BSN: variants seen among roughly 807,000 people sequenced by gnomAD.
The protein encoded by BSN is bassoon presynaptic cytomatrix protein, also known as protein bassoon.
Under a neutral mutation model 264.8 loss-of-function variants are expected in BSN, and 57 were observed. That is an observed-to-expected ratio of 0.22 (90% CI 0.17 to 0.27). The LOEUF (loss-of-function observed/expected upper bound fraction) is 0.27, where lower values mean the gene tolerates loss of function less well. Ranked by LOEUF, BSN falls within the 10% of genes least tolerant of loss-of-function variation. The pLI is 1.00. For synonymous variants in BSN, 2,059 were observed against 2,137.3 expected, an observed-to-expected ratio of 0.96 and a Z score of 1.01; for missense variants, 4,615 against 5,232.5, an observed-to-expected ratio of 0.88 and a Z score of 3.64.
intron 1 of BSN, among the ~76,000 whole-genome samples, chr3:49,568,822 T>C (rs926921459): frequency 2.6e-5 from 4 of 152,172 alleles, no homozygotes; most frequent in Non-Finnish European, 5.9e-5. Context: ...AGAAGTAGGA[T>C]TGCTGAAGCA....
chr3:49,656,197 C>T lies in BSN; in HGVS notation c.6641C>T (p.Ser2214Leu). 6.2e-7 allele frequency: 1 copy of T among 1,611,574 alleles called. No individual in the cohort carries two copies. Among genetic ancestry groups the T allele is most frequent in the Non-Finnish European group, 8.5e-7 (1 of 1,179,016 alleles). Reference sequence around the variant, plus strand: ...CTGCCCATCACCACCCAGCCTGCCTCAGTCCTGCGGCCCATGGTGCGTGGT... The same window carrying T: ...CTGCCCATCACCACCCAGCCTGCCTTAGTCCTGCGGCCCATGGTGCGTGGT... ...ATLPITTQPA[S>L]VLRPMVRGGM... Residue 2214 changes from serine to leucine, a missense_variant, in exon 5 of 12, where the codon TCA becomes TTA. This residue lies in a region of BSN where 3,415 missense variants were observed against 3,866.4 expected (regional missense o/e 0.88). Coordinates refer to ENST00000296452, the MANE Select transcript of BSN (RefSeq NM_003458.4).
In BSN at chr3:49,554,785, TGGCCCC is replaced by T. The variant is rs761663390; in HGVS notation, c.198_203del (p.Pro73_Gly74del). 4.6e-5 allele frequency: 56 copies of T among 1,211,384 alleles called. No individual in the cohort carries two copies. The highest frequency in any genetic ancestry group is 5.6e-5 in the Non-Finnish European group (55 of 975,706). 75.0% of individuals were successfully genotyped at this position (1,211,384 alleles called of 1,614,324 possible). The stretch of plus-strand genomic sequence containing the variant: ...GGTCGACCGCGGTACCACCGGTCCC[TGGCCCC>T]GGCCCCGGCCCCGGTCCCGGCCCTG... On this transcript the variant is annotated inframe_deletion, in exon 1 of 12. Transcript: ENST00000296452.
At chr3:49,662,843 G>C (rs752514358) in intron 6 of BSN, 33 bp from the exon 7 acceptor site, 1 of 1,528,124 alleles carries the variant, frequency 6.5e-7, no homozygotes, top group Non-Finnish European at 8.8e-7. Context: ...GCTAGCCCGG[G>C]GGTTGATGGT....
intron 1 of BSN, among the ~76,000 whole-genome samples, chr3:49,593,968 A>G (rs772722288): frequency 6.6e-6 from 1 of 150,582 alleles, no homozygotes; most frequent in Admixed American, 6.6e-5. Context: ...ACGCCTTCCT[A>G]ATTTTTTGTA....
chr3:49,665,622 T>G (rs912476837), intron 11 of BSN, among the ~76,000 whole-genome samples: 8 of 152,254 alleles, frequency 5.3e-5, no homozygotes. Flanking sequence ...CCTGGTAGTC[T>G]GTGGCACCTG....
intron 6 of BSN, 37 bp from the exon 7 acceptor site, chr3:49,662,839 C>G: frequency 6.5e-7 from 1 of 1,526,722 alleles, no homozygotes; most frequent in Non-Finnish European, 8.8e-7. Context: ...TGCGGCTAGC[C>G]CGGGGGTTGA....
chr3:49,581,471 A>C (rs942127771), intron 1 of BSN, among the ~76,000 whole-genome samples: 9 of 152,148 alleles, frequency 5.9e-5, no homozygotes, highest in Admixed American at 6.5e-5. Context: ...ATTATTAGTT[A>C]TTGTGAATCT....
intron 8 of BSN, 111 bp downstream of exon 8, chr3:49,663,997 T>C: frequency 9.4e-7 from 1 of 1,067,802 alleles, no homozygotes; most frequent in East Asian, 2.6e-5. Flanking sequence ...CACTAATCCC[T>C]GAGAAGGTGC....
At chr3:49,562,393 G>A (rs1206807015) in intron 1 of BSN, among the ~76,000 whole-genome samples, 2 of 152,192 alleles carry the variant, frequency 1.3e-5, no homozygotes, top group Non-Finnish European at 2.9e-5. Context: ...CATGGTGTGG[G>A]GAGAGAGAAC....
intron 1 of BSN, among the ~76,000 whole-genome samples, chr3:49,608,664 C>T (rs2052178867): frequency 6.6e-6 from 1 of 152,016 alleles, no homozygotes; most frequent in African/African-American, 2.4e-5. Context: ...CCTGTCTCTA[C>T]TAAAAATACA....
At chr3:49,566,977 A>G (rs2051756558) in intron 1 of BSN, among the ~76,000 whole-genome samples, 1 of 151,642 alleles carries the variant, frequency 6.6e-6, no homozygotes, top group Non-Finnish European at 1.5e-5. Context: ...TTATCTGTCA[A>G]CCTTTTTTTT....
Position 49,651,922 on chromosome 3 carries a change from A to T in BSN, c.2366A>T (p.Glu789Val). ...CTGGAGGAAGACGAAGACTCTGCTGAGTGGAGGCGCCGGAGAGAGCAGCAG... is the reference window on the plus strand; with the variant it reads ...CTGGAGGAAGACGAAGACTCTGCTGTGTGGAGGCGCCGGAGAGAGCAGCAG... Reference protein sequence around the residue: ...DILEEDEDSAEWRRRREQQDT... With the variant: ...DILEEDEDSAVWRRRREQQDT... Residue 789 changes from glutamate (E) to valine (V), a missense_variant, in exon 5 of 12, where the codon GAG (glutamate) becomes GTG (valine). Transcript: ENST00000296452. This position sits in a 1 kb window ranked among gnomAD's most constrained non-coding sequence, Gnocchi z 5.4. 1 of 1,613,810 alleles carries T rather than the reference A, an allele frequency of 6.2e-7. No homozygotes were observed. Among genetic ancestry groups the T allele is most frequent in the Non-Finnish European group, 8.5e-7 (1 of 1,179,950 alleles).
At chr3:49,612,066 A>G (rs2108046393) in intron 1 of BSN, among the ~76,000 whole-genome samples, 1 of 152,374 alleles carries the variant, frequency 6.6e-6, no homozygotes, top group South Asian at 2.1e-4. Context: ...AGGAATAAGA[A>G]ACAGAAAAGA....
At chr3:49,563,970 C>G (rs984000811) in intron 1 of BSN, among the ~76,000 whole-genome samples, 1 of 152,196 alleles carries the variant, frequency 6.6e-6, no homozygotes, top group Non-Finnish European at 1.5e-5. Flanking sequence ...ACAGGTTTAG[C>G]AGGCGCTCAC....
rs765163653 is a variant in BSN, at chr3:49,657,335, G to A, written c.7779G>A (p.Glu2593=). 6.2e-7 allele frequency: 1 copy of A among 1,613,516 alleles called. No individual in the cohort carries two copies. Among genetic ancestry groups the A allele is most frequent in the Admixed American group, 1.7e-5 (1 of 60,024 alleles). Residue 2593 remains glutamate (E), a synonymous_variant, in exon 5 of 12, where the codon GAG becomes GAA. Coordinates refer to ENST00000296452, the MANE Select transcript of BSN (RefSeq NM_003458.4). The part of the protein sequence containing the change: ...SSVQTDDEDG[E]SRYLLSRRRR... ...TGCAGACAGACGATGAGGATGGGGA[G>A]AGCCGCTACCTCTTGAGTCGGCGAC... is the stretch of plus-strand genomic sequence containing the variant.
At chr3:49,605,280 T>A (rs1312609907) in intron 1 of BSN, among the ~76,000 whole-genome samples, 1 of 107,566 alleles carries the variant, frequency 9.3e-6, no homozygotes, top group African/African-American at 3.7e-5. Context: ...TATACATATA[T>A]ATACATATAT....
chr3:49,583,155 G>A (rs1029905115), intron 1 of BSN, among the ~76,000 whole-genome samples: 1 of 152,036 alleles, frequency 6.6e-6, no homozygotes, highest in South Asian at 2.1e-4. Context: ...TTTTAGTAGA[G>A]ATGGGGTTTC....
In BSN at chr3:49,661,793, T is replaced by G; in HGVS notation, c.9948T>G (p.Ser3316Arg). 6.2e-7 allele frequency: 1 copy of G among 1,613,538 alleles called. No homozygotes were observed. Residue 3316 changes from serine to arginine, a missense_variant, in exon 6 of 12, where the codon AGT becomes AGG. Physicochemically the swap from Ser to Arg is moderately radical, Grantham distance 110. Transcript: ENST00000296452. ...RSMESNGRPA[S>R]THYYGDSDYR... is the part of the protein sequence containing the mutation. ...TGGAGAGCAATGGTCGACCAGCCAG[T>G]ACCCACTACTATGGTGACAGTGACT... is the stretch of plus-strand genomic sequence containing the variant.
chr3:49,554,856 G>A (rs1456160899), intron 1 of BSN, 30 bp downstream of exon 1: 1 of 1,187,568 alleles, frequency 8.4e-7, no homozygotes, highest in East Asian at 3.3e-5. Flanking sequence ...CCCGGGGGGC[G>A]GTGAGCTGCA....
Sources: allele counts gnomAD v4.1 joint callset (sites outside exome capture counted in the v4.1 genomes callset), GRCh38; gene constraint gnomAD v4.1.1; regional missense constraint gnomAD v4.1.1; non-coding constraint Gnocchi (gnomAD v3.1); transcripts MANE v1.5; gene names NCBI Gene and HGNC (gene_info 2026-07-23, HGNC 2026-07-21).